The following USP9X variants were observed in gnomAD, a reference collection of about 807,000 sequenced individuals.
The protein encoded by USP9X is ubiquitin specific peptidase 9 X-linked.
Under a neutral mutation model 190.3 loss-of-function variants are expected in USP9X, and 7 were observed. That is an observed-to-expected ratio of 0.04 (90% CI 0.02 to 0.07). USP9X has a LOEUF of 0.07. Among genes scored for constraint, USP9X ranks in the 10% least tolerant of loss-of-function variants. The pLI, the probability that USP9X is intolerant of heterozygous loss-of-function variation, is 1.00. For synonymous variants in USP9X, 645 were observed against 659.5 expected (o/e 0.98, Z 0.34); for missense variants, 1,010 against 1,916.9 (o/e 0.53, Z 8.83).
intron 33 of USP9X, 112 bp downstream of exon 33, chrX:41,210,794 A>T (rs998747924): frequency 1.0e-5 from 8 of 766,053 alleles, no homozygotes; most frequent in African/African-American, 4.3e-5. Flanking sequence ...TGATTACTAA[A>T]TACCTGAAAC....
In USP9X at chrX:41,223,251, T is replaced by G; in HGVS notation, c.6600T>G (p.Ser2200Arg). ...AGAAGACACAGCTTCTGAAATTGAGTGTACCTGCTACTTTTATGCTTGTGT... is the reference window on the plus strand; with the variant it reads ...AGAAGACACAGCTTCTGAAATTGAGGGTACCTGCTACTTTTATGCTTGTGT... ...VAEKTQLLKL[S>R]VPATFMLVSL... Residue 2200 changes from serine to arginine, a missense_variant, in exon 39 of 45, where the codon AGT (serine) becomes AGG (arginine). Physicochemically the swap from Ser to Arg is moderately radical, Grantham distance 110. Around this residue, in one of 11 missense-constraint regions of USP9X, gnomAD observed 121 missense variants for 281.2 expected, o/e 0.43. Transcript: ENST00000378308. The G allele has an allele frequency of 8.3e-7, 1 of 1,211,595 alleles. No homozygotes were observed. The highest frequency in any genetic ancestry group is 1.1e-6 in the Non-Finnish European group (1 of 895,476).
chrX:41,181,487 C>T (rs974853236), intron 21 of USP9X, among the ~76,000 whole-genome samples: 3 of 85,857 alleles, frequency 3.5e-5, no homozygotes, highest in African/African-American at 4.5e-5. Flanking sequence ...CTCACACTGT[C>T]GCCCAGGCTG....
intron 41 of USP9X, 55 bp from the exon 42 acceptor site, chrX:41,229,198 A>G: frequency 1.0e-6 from 1 of 995,693 alleles, no homozygotes; most frequent in South Asian, 2.5e-5. Flanking sequence ...GGCACTCAGT[A>G]TATATTAGCT....
rs759988766 is a variant in USP9X at position 41,137,111 on chromosome X, A to G, written c.654+89A>G. On this transcript the variant is annotated intron_variant, in intron 6 of 44. Coordinates refer to ENST00000378308, the MANE Select transcript of USP9X (RefSeq NM_001039591.3). ...CAGTGATCTGTATTTAAAGTGTGACAATGAAATAACACTTTAAATGAAAAT... is the reference window on the plus strand; with the variant it reads ...CAGTGATCTGTATTTAAAGTGTGACGATGAAATAACACTTTAAATGAAAAT... The G allele has an allele frequency of 5.4e-5, 47 of 862,904 alleles. No homozygotes were observed. The Admixed American group carries it at 9.3e-4, about 17-fold the overall frequency. 71.1% of individuals were successfully genotyped at this position (862,904 alleles called of 1,213,427 possible). A position where few individuals can be genotyped will look rare whatever the true frequency, so the allele number is the denominator to read the frequency against.
chrX:41,200,748 A>G (rs973469060), intron 30 of USP9X, among the ~76,000 whole-genome samples: 1 of 112,637 alleles, frequency 8.9e-6, no homozygotes, highest in African/African-American at 3.2e-5. Context: ...GGCTAAAAAT[A>G]AAGATGCAAG....
At chrX:41,122,219 C>T (rs1456257235) in intron 1 of USP9X, among the ~76,000 whole-genome samples, 1 of 111,003 alleles carries the variant, frequency 9.0e-6, no homozygotes, top group Admixed American at 9.6e-5. Flanking sequence ...GGTTTCTTCT[C>T]TGGCTTGCAG....
chrX:41,120,088 CTT>C (rs1203870086), intron 1 of USP9X, among the ~76,000 whole-genome samples: 3 of 111,379 alleles, frequency 2.7e-5, no homozygotes, highest in Admixed American at 9.5e-5. Context: ...AGTCTTAAAA[CTT>C]TGTTTTGCTT....
chrX:41,153,510 A>G (rs775396319), intron 14 of USP9X, among the ~76,000 whole-genome samples: 4 of 112,566 alleles, frequency 3.6e-5, no homozygotes, highest in Admixed American at 9.4e-5. Flanking sequence ...AAAAAACATA[A>G]GAGTAGAGAT....
chrX:41,142,584 A>G (rs2062432505), intron 9 of USP9X, among the ~76,000 whole-genome samples: 1 of 112,314 alleles, frequency 8.9e-6, no homozygotes, highest in African/African-American at 3.2e-5. Context: ...CTTCTCTAGC[A>G]CATTTTGGGC....
intron 14 of USP9X, among the ~76,000 whole-genome samples, chrX:41,158,928 A>G (rs1601981031): frequency 8.9e-6 from 1 of 111,994 alleles, no homozygotes; most frequent in Non-Finnish European, 1.9e-5. Flanking sequence ...ATAGAAGGGA[A>G]CTTCCTCTAC....
intron 21 of USP9X, among the ~76,000 whole-genome samples, chrX:41,179,111 A>G (rs924253417): frequency 3.6e-5 from 4 of 111,672 alleles, no homozygotes; most frequent in African/African-American, 6.5e-5. Flanking sequence ...TTTGGTTACT[A>G]TTGCTCTATA....
chrX:41,095,915 AAGG>A (rs1475033269), intron 1 of USP9X, among the ~76,000 whole-genome samples: 1 of 111,700 alleles, frequency 9.0e-6, no homozygotes, highest in Admixed American at 9.5e-5. Flanking sequence ...GGAATAAAGG[AAGG>A]AGATCAATGG....
In USP9X at chrX:41,197,334, CCCCCCCACCCCA is replaced by C; in HGVS notation, c.4234-23_4234-12del. On this transcript the variant is annotated intron_variant, in intron 28 of 44. Coordinates refer to ENST00000378308, the MANE Select transcript of USP9X (RefSeq NM_001039591.3). ...ATAAGCTAGACATTTGATTTCTTCC[CCCCCCCACCCCA>C]CCCCCCGCCTTTGGCAGGATGATGT... 3.6e-6 allele frequency: 1 copy of C among 275,673 alleles called. No homozygotes were observed. Among genetic ancestry groups the C allele is most frequent in the Non-Finnish European group, 5.6e-6 (1 of 179,991 alleles). The allele number at this position is 275,673 out of a possible 1,213,427, so 22.7% of individuals were successfully genotyped here. A position where few individuals can be genotyped will look rare whatever the true frequency, so the allele number is the denominator to read the frequency against.
intron 12 of USP9X, among the ~76,000 whole-genome samples, chrX:41,150,593 C>A (rs948338408): frequency 9.0e-6 from 1 of 110,996 alleles, no homozygotes; most frequent in Non-Finnish European, 1.9e-5. Flanking sequence ...TGGCTAAATA[C>A]CTACCCTCTG....
chrX:41,209,251 TCACAAGGA>T (rs1208487205), intron 32 of USP9X, among the ~76,000 whole-genome samples: 1 of 112,069 alleles, frequency 8.9e-6, no homozygotes, highest in African/African-American at 3.2e-5. Flanking sequence ...CATGAAGGAA[TCACAAGGA>T]TTTGGCTGTT....
At chrX:41,136,737 G>T (rs1369452863) in intron 5 of USP9X, 67 bp from the exon 6 acceptor site, 1 of 771,849 alleles carries the variant, frequency 1.3e-6, no homozygotes, top group Non-Finnish European at 1.9e-6. Context: ...ATTAATATTG[G>T]AAGATATTTC....
At chrX:41,205,521 A>C in intron 32 of USP9X, 28 bp downstream of exon 32, 1 of 1,148,932 alleles carries the variant, frequency 8.7e-7, no homozygotes, top group Non-Finnish European at 1.2e-6. Flanking sequence ...AGTAATAGAG[A>C]TACTTCTTAA....
chrX:41,097,708 A>T (rs933989304), intron 1 of USP9X, among the ~76,000 whole-genome samples: 2 of 112,321 alleles, frequency 1.8e-5, no homozygotes, highest in South Asian at 7.3e-4. Context: ...ATAGAAGACA[A>T]CTGGATTCTC....
At chrX:41,098,650 G>A (rs781781823) in intron 1 of USP9X, among the ~76,000 whole-genome samples, 2 of 108,655 alleles carry the variant, frequency 1.8e-5, no homozygotes, top group Non-Finnish European at 3.8e-5. Flanking sequence ...CCGCCTCCCA[G>A]GTTCAAGTGA....
Sources: gnomAD v4.1 joint callset for allele counts (sites outside exome capture counted in the v4.1 genomes callset) on GRCh38, gnomAD v4.1.1 for gene constraint, gnomAD v4.1.1 regional missense constraint, MANE v1.5 for transcripts, NCBI Gene and HGNC (gene_info 2026-07-23, HGNC 2026-07-21) for gene names.